Variants in CLDN16 observed in about 807,000 individuals in gnomAD.
The protein encoded by CLDN16 is claudin-16.
A neutral mutation model predicts 24.6 loss-of-function variants in CLDN16; 13 were observed. The ratio of observed to expected loss-of-function variants is 0.53; its 90% CI spans 0.34 to 0.84. CLDN16 has a LOEUF of 0.84. Ranked by LOEUF, CLDN16 falls within the 40% of genes least tolerant of loss-of-function variation. The pLI, the probability that CLDN16 is intolerant of heterozygous loss-of-function variation, is 0.01. For missense variants in CLDN16, 298 were observed against 292.7 expected (o/e 1.02, Z -0.13); for synonymous variants, 116 against 106.7 (o/e 1.09, Z -0.54).
upstream of CLDN16, chr3:190,388,103 G>A: frequency 6.2e-7 from 1 of 1,612,770 alleles, no homozygotes; most frequent in Non-Finnish European, 8.5e-7. Flanking sequence ...CTGATTGGAG[G>A]CTGGTTGCTT....
intron 3 of CLDN16, among the ~76,000 whole-genome samples, chr3:190,379,115 C>T (rs1185447854): frequency 6.6e-6 from 1 of 152,130 alleles, no homozygotes; most frequent in East Asian, 1.9e-4. Flanking sequence ...CATAGATTGG[C>T]TTTCTATAAT....
intron 1 of CLDN16, among the ~76,000 whole-genome samples, chr3:190,366,434 C>G (rs1333444725): frequency 6.6e-6 from 1 of 151,810 alleles, no homozygotes; most frequent in East Asian, 1.9e-4. Flanking sequence ...TTAAAAAATC[C>G]CATTTTAAAG....
At chr3:190,374,252 TC>T (rs1718200869) in intron 2 of CLDN16, among the ~76,000 whole-genome samples, 1 of 147,518 alleles carries the variant, frequency 6.8e-6, no homozygotes, top group Non-Finnish European at 1.5e-5. Flanking sequence ...CTATTTTCCT[TC>T]CAGCCCTGAA....
intron 1 of CLDN16, among the ~76,000 whole-genome samples, chr3:190,334,278 G>A (rs1717248995): frequency 6.6e-6 from 1 of 152,146 alleles, no homozygotes; most frequent in South Asian, 2.1e-4. Flanking sequence ...CTCAGATTAG[G>A]GAGAGCAATA....
At chr3:190,322,520 G>T, upstream of CLDN16, 1 of 361,124 alleles carries the variant, frequency 2.8e-6, no homozygotes, top group Admixed American at 4.4e-5. Flanking sequence ...GCGCCCCCTG[G>T]CGGTTTCAGG....
At chr3:190,375,871 AC>A (rs1459208975) in intron 3 of CLDN16, among the ~76,000 whole-genome samples, 2 of 108,716 alleles carry the variant, frequency 1.8e-5, no homozygotes, top group African/African-American at 7.7e-5. Context: ...AAACATTCAC[AC>A]CCCTCCCCCC....
At chr3:190,325,155 T>C (rs1284828351) in intron 1 of CLDN16, among the ~76,000 whole-genome samples, 1 of 152,224 alleles carries the variant, frequency 6.6e-6, no homozygotes. Context: ...GAGTTTTATA[T>C]GCTATCTCTA....
chr3:190,293,909 T>A, the CLDN16 span, among the ~76,000 whole-genome samples: 1 of 152,198 alleles, frequency 6.6e-6, no homozygotes, highest in South Asian at 2.1e-4. Context: ...TTCGTTCATG[T>A]TTTGTTTGAG....
intron 3 of CLDN16, among the ~76,000 whole-genome samples, chr3:190,406,917 T>A (rs1719119142): frequency 6.6e-6 from 1 of 151,926 alleles, no homozygotes; most frequent in Non-Finnish European, 1.5e-5. Context: ...ACTTTTTGTA[T>A]TTTTAGTAGA....
At chr3:190,376,247 A>T (rs901261272) in intron 3 of CLDN16, among the ~76,000 whole-genome samples, 3 of 151,918 alleles carry the variant, frequency 2.0e-5, no homozygotes, top group Non-Finnish European at 2.9e-5. Context: ...ATTTCTGAGG[A>T]GTATTAAATG....
At chr3:190,324,863 C>T (rs1375502135) in intron 1 of CLDN16, among the ~76,000 whole-genome samples, 1 of 152,126 alleles carries the variant, frequency 6.6e-6, no homozygotes, top group African/African-American at 2.4e-5. Context: ...AAAACAGCTT[C>T]CAAATACTGG....
At chr3:190,315,508 A>G in the CLDN16 span, among the ~76,000 whole-genome samples, 1 of 152,220 alleles carries the variant, frequency 6.6e-6, no homozygotes, top group Non-Finnish European at 1.5e-5. Context: ...GATTATCTTG[A>G]GAAAGGGGCG....
intron 1 of CLDN16, among the ~76,000 whole-genome samples, chr3:190,363,557 T>C (rs2178118): frequency 0.043 from 1,752 of 40,772 alleles, 134 homozygotes; most frequent in African/African-American, 0.083. Context: ...TGTGTGTGTG[T>C]ATATATATAT....
chr3:190,367,567 G>A (rs1029360915), intron 1 of CLDN16, among the ~76,000 whole-genome samples: 3 of 151,900 alleles, frequency 2.0e-5, no homozygotes, highest in African/African-American at 4.8e-5. Context: ...CCAAATGTCC[G>A]ATTTATTATT....
chr3:190,348,096 A>G (rs1177238689), intron 1 of CLDN16, among the ~76,000 whole-genome samples: 1 of 150,618 alleles, frequency 6.6e-6, no homozygotes, highest in Non-Finnish European at 1.5e-5. Context: ...ACAAAAAAAA[A>G]AAAAAAAAAA....
Position 190,341,323 on chromosome 3 carries a change from T to C in CLDN16, n.121+18662T>C, listed in dbSNP as rs147288204. ...TATCAAGGTGTTTCCATACATCCTCTGAAATCTAGGCAGAGGCTCCCAAAT... is the reference window on the plus strand; with the variant it reads ...TATCAAGGTGTTTCCATACATCCTCCGAAATCTAGGCAGAGGCTCCCAAAT... On this transcript the variant is annotated intron_variant and non_coding_transcript_variant, in intron 1 of 4. Coordinates refer to the CLDN16 transcript ENST00000468220. Among the ~76,000 whole-genome samples the C allele has an allele frequency of 4.7e-3, 711 of 152,336 alleles. 5 individuals carry two copies. Among genetic ancestry groups the C allele is most frequent in the African/African-American group, 0.016 (681 of 41,572 alleles).
chr3:190,380,131 CCTTCCTTCCTTTT>C (rs1560091455), intron 3 of CLDN16, among the ~76,000 whole-genome samples: 1 of 51,936 alleles, frequency 1.9e-5, no homozygotes. Context: ...TTCCTTTCTT[CCTTCCTTCCTTTT>C]CTTCCTTCCC....
At chr3:190,307,888 C>A in the CLDN16 span, 9,613 of 164,672 alleles carry the variant, frequency 0.058, 361 homozygotes, top group Middle Eastern at 0.088. Context: ...AATACATTTA[C>A]CTATTTTAGA....
chr3:190,374,549 C>G (rs965754322), exon 3 of CLDN16: 7 of 151,836 alleles, frequency 4.6e-5, no homozygotes, highest in Non-Finnish European at 1.0e-4. Context: ...TTGTTGGCCA[C>G]CTGTTTGGAA....
Sources: allele counts gnomAD v4.1 joint callset (sites outside exome capture counted in the v4.1 genomes callset), GRCh38; gene constraint gnomAD v4.1.1; transcripts MANE v1.5; gene names NCBI Gene and HGNC (gene_info 2026-07-23, HGNC 2026-07-21).